OSTN: variants seen among roughly 807,000 people sequenced by gnomAD.
OSTN encodes the protein osteocrin.
OSTN carries 9 observed loss-of-function variants against 12.0 expected under a neutral mutation model. The observed-to-expected ratio is 0.75, with a 90% CI of 0.45 to 1.30. The LOEUF is 1.30. Among genes scored for constraint, OSTN ranks in the 50% most tolerant of loss-of-function variants. The probability of loss-of-function intolerance (pLI) is 0.00; values close to 1 mark genes in which losing one functional copy is unlikely to be tolerated. For synonymous variants in OSTN, 59 were observed against 56.9 expected, an observed-to-expected ratio of 1.04 and a Z score of -0.16; for missense variants, 148 against 152.3, an observed-to-expected ratio of 0.97 and a Z score of 0.15.
intron 4 of OSTN, among the ~76,000 whole-genome samples, chr3:191,251,138 G>A (rs1269633091): frequency 6.6e-6 from 1 of 151,894 alleles, no homozygotes; most frequent in African/African-American, 2.4e-5. Context: ...TTATTAATAA[G>A]TATTAGTTAA....
At position 191,262,847 on chromosome 3, in the gene OSTN, T is replaced by C; in HGVS notation, c.*13-19T>C. ...AGAGTTCTCATTAGCTTTAACAATC[T>C]CAACTTTCGTTTTTGCAGATGCAAC... On this transcript the variant is annotated intron_variant, in intron 4 of 4. Transcript: ENST00000682035. 2 of 701,858 alleles carry C rather than the reference T, an allele frequency of 2.8e-6. No homozygotes were observed. The highest frequency in any genetic ancestry group is 2.6e-6 in the Non-Finnish European group (1 of 384,202). The allele number at this position is 701,858 out of a possible 1,614,324, so 43.5% of individuals were successfully genotyped here. A position where few individuals can be genotyped will look rare whatever the true frequency, so the allele number is the denominator to read the frequency against.
intron 3 of OSTN, among the ~76,000 whole-genome samples, chr3:191,246,728 A>G (rs1715442079): frequency 6.7e-6 from 1 of 149,560 alleles, no homozygotes; most frequent in East Asian, 2.0e-4. Flanking sequence ...AAGAAGAAGA[A>G]GAAGGAGGAG....
At chr3:191,220,316 C>T (rs1200392823) in intron 3 of OSTN, among the ~76,000 whole-genome samples, 1 of 152,060 alleles carries the variant, frequency 6.6e-6, no homozygotes, top group Non-Finnish European at 1.5e-5. Flanking sequence ...TAATCCTCTC[C>T]TATATTTTGA....
intron 3 of OSTN, chr3:191,229,823 G>A (rs1459218089): frequency 1.3e-5 from 2 of 152,084 alleles, no homozygotes; most frequent in African/African-American, 2.4e-5. Context: ...CCAGAACTTC[G>A]AGAGGTCAAG....
intron 1 of OSTN, among the ~76,000 whole-genome samples, chr3:191,211,959 T>C (rs1393902932): frequency 6.6e-6 from 1 of 152,164 alleles, no homozygotes; most frequent in Non-Finnish European, 1.5e-5. Context: ...TTTTATTGTA[T>C]TTAATATGTA....
intron 3 of OSTN, among the ~76,000 whole-genome samples, chr3:191,246,255 C>T (rs1169239021): frequency 2.6e-5 from 4 of 151,870 alleles, no homozygotes; most frequent in East Asian, 1.9e-4. Flanking sequence ...CTCTCATTCA[C>T]GTTGTTGGCA....
intron 4 of OSTN, among the ~76,000 whole-genome samples, chr3:191,253,358 C>A (rs1369836317): frequency 1.3e-5 from 2 of 152,130 alleles, no homozygotes; most frequent in African/African-American, 4.8e-5. Flanking sequence ...TCTATGATGC[C>A]TACTATAGGG....
intron 3 of OSTN, among the ~76,000 whole-genome samples, chr3:191,233,234 A>T (rs1305514044): frequency 1.3e-5 from 2 of 152,202 alleles, no homozygotes; most frequent in African/African-American, 4.8e-5. Context: ...ATTAACTTGA[A>T]ATAAAGAACC....
At chr3:191,237,497 A>G (rs1183137468) in intron 3 of OSTN, among the ~76,000 whole-genome samples, 1 of 152,200 alleles carries the variant, frequency 6.6e-6, no homozygotes, top group Non-Finnish European at 1.5e-5. Flanking sequence ...GTACACTTGG[A>G]AGAAGGCCAA....
chr3:191,221,470 C>G (rs1056027263), intron 3 of OSTN, among the ~76,000 whole-genome samples: 1 of 151,986 alleles, frequency 6.6e-6, no homozygotes, highest in Non-Finnish European at 1.5e-5. Flanking sequence ...GTGATGTGGT[C>G]AATGAAGTCC....
intron 3 of OSTN, chr3:191,228,861 ATAGAAT>A (rs1219665688): frequency 6.6e-6 from 1 of 152,216 alleles, no homozygotes; most frequent in African/African-American, 2.4e-5. Flanking sequence ...CTAAAAAATG[ATAGAAT>A]TAGAAAATTT....
At chr3:191,261,054 G>A (rs1294902399) in intron 4 of OSTN, among the ~76,000 whole-genome samples, 3 of 152,074 alleles carry the variant, frequency 2.0e-5, no homozygotes, top group Non-Finnish European at 2.9e-5. Flanking sequence ...AGCTTTTCTG[G>A]TAAGAAATTC....
chr3:191,238,729 A>T (rs1394740714), intron 3 of OSTN, among the ~76,000 whole-genome samples: 1 of 152,180 alleles, frequency 6.6e-6, no homozygotes, highest in African/African-American at 2.4e-5. Flanking sequence ...CTTTGAGCAT[A>T]ATGATCTTGG....
intron 3 of OSTN, among the ~76,000 whole-genome samples, chr3:191,244,653 G>A (rs2108548844): frequency 6.8e-6 from 1 of 148,086 alleles, no homozygotes; most frequent in Non-Finnish European, 1.5e-5. Flanking sequence ...CAACAAAAAT[G>A]TTAACTACTA....
In OSTN at chr3:191,265,306, T is replaced by C. The variant is rs1014459157; in HGVS notation, c.*2453T>C. 1.3e-5 allele frequency: 2 copies of C among 152,210 alleles called. No individual in the cohort carries two copies. Among genetic ancestry groups the C allele is most frequent in the Admixed American group, 6.5e-5 (1 of 15,284 alleles). 9.4% of individuals were successfully genotyped at this position (152,210 alleles called of 1,614,324 possible). On this transcript the variant is annotated 3_prime_UTR_variant, in exon 5 of 5. Coordinates refer to ENST00000682035, the MANE Select transcript of OSTN (RefSeq NM_198184.2). ...AACCTTTATAGAGCAAATGAATATA[T>C]GTATATGGAGTTCTGGGTTCTAGTG...
intron 4 of OSTN, among the ~76,000 whole-genome samples, chr3:191,252,269 G>T (rs541063267): frequency 9.2e-5 from 14 of 152,306 alleles, no homozygotes; most frequent in African/African-American, 2.9e-4. Context: ...GTTTCACCAT[G>T]TTGGCCAGGA....
intron 4 of OSTN, among the ~76,000 whole-genome samples, chr3:191,251,263 A>G (rs1237976715): frequency 2.0e-5 from 3 of 152,192 alleles, no homozygotes; most frequent in Non-Finnish European, 4.4e-5. Context: ...CTGAGTGGGT[A>G]TGTTAAACAC....
intron 3 of OSTN, among the ~76,000 whole-genome samples, chr3:191,232,331 TAAAAAAAAAA>T (rs61313474): frequency 1.5e-5 from 1 of 67,492 alleles, no homozygotes; most frequent in African/African-American, 8.8e-5. Flanking sequence ...AGACTCTGTC[TAAAAAAAAAA>T]AAAAAAAAAA....
intron 3 of OSTN, among the ~76,000 whole-genome samples, chr3:191,228,386 A>G (rs1202762683): frequency 6.6e-6 from 1 of 152,240 alleles, no homozygotes; most frequent in Non-Finnish European, 1.5e-5. Flanking sequence ...GTTTCTGTGT[A>G]TACATTCAAC....
Sources: gnomAD v4.1 joint callset for allele counts (sites outside exome capture counted in the v4.1 genomes callset) on GRCh38, gnomAD v4.1.1 for gene constraint, MANE v1.5 for transcripts, NCBI Gene and HGNC (gene_info 2026-07-23, HGNC 2026-07-21) for gene names.